GPR39: variants seen among roughly 807,000 people sequenced by gnomAD.
GPR39 encodes zinc sensing receptor.
A neutral mutation model predicts 18.4 loss-of-function variants in GPR39; 23 were observed. That is an observed-to-expected ratio of 1.25 (90% CI 0.90 to 1.77). The LOEUF (loss-of-function observed/expected upper bound fraction) is 1.77. GPR39 is among the 40% of genes most tolerant of loss of function. The pLI, the probability that GPR39 is intolerant of heterozygous loss-of-function variation, is 0.00. For missense variants in GPR39, 647 were observed against 602.4 expected, an observed-to-expected ratio of 1.07 and a Z score of -0.78; for synonymous variants, 280 against 257.9, an observed-to-expected ratio of 1.09 and a Z score of -0.82.
intron 1 of GPR39, among the ~76,000 whole-genome samples, chr2:132,484,014 T>C (rs1681284498): frequency 6.6e-6 from 1 of 152,182 alleles, no homozygotes; most frequent in African/African-American, 2.4e-5. Flanking sequence ...ACTCCACCCA[T>C]ACATTTAAAC....
intron 1 of GPR39, among the ~76,000 whole-genome samples, chr2:132,493,961 A>G (rs926911924): frequency 2.6e-5 from 4 of 152,146 alleles, no homozygotes; most frequent in Non-Finnish European, 4.4e-5. Context: ...CTTCCGATCA[A>G]CTAAAGACTG....
chr2:132,536,748 C>T (rs1679763828), intron 1 of GPR39, among the ~76,000 whole-genome samples: 1 of 152,158 alleles, frequency 6.6e-6, no homozygotes, highest in African/African-American at 2.4e-5. Context: ...AATCTGGGTG[C>T]TCCTGTATTT....
intron 1 of GPR39, among the ~76,000 whole-genome samples, chr2:132,624,083 G>C (rs191095322): frequency 1.5e-3 from 223 of 152,278 alleles, no homozygotes; most frequent in African/African-American, 5.0e-3. Context: ...ACGTGGGTTC[G>C]GTGGCATAAA....
At chr2:132,535,465 A>C (rs781650869) in intron 1 of GPR39, among the ~76,000 whole-genome samples, 4 of 152,182 alleles carry the variant, frequency 2.6e-5, no homozygotes, top group Non-Finnish European at 5.9e-5. Context: ...TTGTTTTGAC[A>C]GTATTTTATT....
At chr2:132,419,916 G>A (rs1005615404) in intron 1 of GPR39, among the ~76,000 whole-genome samples, 3 of 152,102 alleles carry the variant, frequency 2.0e-5, no homozygotes, top group Non-Finnish European at 2.9e-5. Context: ...TGTGTTTCCT[G>A]TATTTCTCTG....
intron 1 of GPR39, among the ~76,000 whole-genome samples, chr2:132,420,744 TGAG>T (rs1442708796): frequency 1.3e-5 from 2 of 152,212 alleles, no homozygotes; most frequent in East Asian, 3.8e-4. Flanking sequence ...CTACGCAAGA[TGAG>T]GAAGCCCATG....
rs1387540566 is a variant in GPR39, at chr2:132,567,263, G to A, written c.857-77838G>A. On this transcript the variant is annotated intron_variant, in intron 1 of 1. Coordinates refer to ENST00000329321, the MANE Select transcript of GPR39 (RefSeq NM_001508.3). ...CTTGAACCCGGGAGGTGGAGGTTGC[G>A]GTGAGCCGAGATTGCACCACTGCAC... Among the ~76,000 whole-genome samples, 8 of 152,224 alleles carry A rather than the reference G, an allele frequency of 5.3e-5. No homozygotes were observed. In the South Asian group the frequency reaches 8.3e-4, roughly 16 times the overall value.
intron 1 of GPR39, among the ~76,000 whole-genome samples, chr2:132,427,814 T>C (rs1484051931): frequency 2.7e-5 from 4 of 148,954 alleles, no homozygotes; most frequent in Non-Finnish European, 5.9e-5. Flanking sequence ...CCTTCTGCCT[T>C]AGCCTCTTGG....
intron 1 of GPR39, among the ~76,000 whole-genome samples, chr2:132,427,571 A>G (rs983092349): frequency 6.6e-6 from 1 of 150,878 alleles, no homozygotes; most frequent in Non-Finnish European, 1.5e-5. Flanking sequence ...GGAGACATAT[A>G]CTCAGCAGAA....
intron 1 of GPR39, among the ~76,000 whole-genome samples, chr2:132,560,701 C>G (rs1187648020): frequency 1.3e-5 from 2 of 152,178 alleles, no homozygotes; most frequent in Non-Finnish European, 2.9e-5. Context: ...TTTCCTGGTT[C>G]CTCTTCCTCC....
intron 1 of GPR39, among the ~76,000 whole-genome samples, chr2:132,553,217 A>G (rs1050815411): frequency 6.6e-6 from 1 of 151,478 alleles, no homozygotes; most frequent in Non-Finnish European, 1.5e-5. Context: ...CCAGCCACAT[A>G]TCTATGTATA....
chr2:132,545,744 A>G lies in GPR39; in HGVS notation c.857-99357A>G, dbSNP rs557686009. Among the ~76,000 whole-genome samples, 473 of 152,200 alleles carry G rather than the reference A, an allele frequency of 3.1e-3. 2 individuals carry two copies. The highest frequency in any genetic ancestry group is 5.6e-3 in the Non-Finnish European group (383 of 67,998). On this transcript the variant is annotated intron_variant, in intron 1 of 1. Coordinates refer to ENST00000329321, the MANE Select transcript of GPR39 (RefSeq NM_001508.3). Reference sequence around the variant, plus strand: ...TTCAATGCACCAAAGAATCAACTGGAGATCTTGCTAAAAGGCAGAATCAGA... The same window carrying G: ...TTCAATGCACCAAAGAATCAACTGGGGATCTTGCTAAAAGGCAGAATCAGA...
rs1246947669 is a variant in GPR39 at position 132,493,214 on chromosome 2, GTACACCATATATACACCATATATA to G, written c.856+75344_856+75367del. On this transcript the variant is annotated intron_variant, in intron 1 of 1. Transcript: ENST00000329321. ...TATACACCATATATACACCATATAT[GTACACCATATATACACCATATATA>G]TACACCATATATACACCATATATAT... Among the ~76,000 whole-genome samples the G allele has an allele frequency of 1.4e-4, 15 of 105,420 alleles. 1 individual carries two copies. Among genetic ancestry groups the G allele is most frequent in the East Asian group, 2.6e-4 (1 of 3,870 alleles). The allele number at this position is 105,420 out of a possible 152,430, so 69.2% of individuals were successfully genotyped here. A position where few individuals can be genotyped will look rare whatever the true frequency, so the allele number is the denominator to read the frequency against.
intron 1 of GPR39, among the ~76,000 whole-genome samples, chr2:132,522,973 C>T (rs2104768341): frequency 6.6e-6 from 1 of 152,096 alleles, no homozygotes; most frequent in South Asian, 2.1e-4. Context: ...CTACTGGAAG[C>T]CCTGGGGGAC....
intron 1 of GPR39, among the ~76,000 whole-genome samples, chr2:132,426,876 A>C (rs1680127714): frequency 6.6e-6 from 1 of 151,996 alleles, no homozygotes; most frequent in South Asian, 2.1e-4. Flanking sequence ...TCAGTGTCTA[A>C]CTGTCCATGA....
intron 1 of GPR39, among the ~76,000 whole-genome samples, chr2:132,547,885 A>G (rs570022017): frequency 1.2e-4 from 19 of 152,308 alleles, no homozygotes; most frequent in African/African-American, 4.3e-4. Flanking sequence ...TGTGGCCCAT[A>G]ATATATTTTC....
intron 1 of GPR39, among the ~76,000 whole-genome samples, chr2:132,529,343 C>T (rs1437367886): frequency 6.6e-6 from 1 of 152,224 alleles, no homozygotes; most frequent in African/African-American, 2.4e-5. Context: ...AGTAGGTAAA[C>T]AAAGTGGCCA....
chr2:132,555,247 C>G (rs186295754), intron 1 of GPR39, among the ~76,000 whole-genome samples: 32 of 140,968 alleles, frequency 2.3e-4, no homozygotes, highest in Admixed American at 6.5e-4. Context: ...TGGCCTCAAC[C>G]ACTTTTAACA....
rs1210975128 is a variant in GPR39, at chr2:132,645,354, C to G, written c.1110C>G (p.His370Gln). The change falls in exon 2 of 2, where the codon CAC becomes CAG. Residue 370 changes from histidine (H) to glutamine (Q), a missense_variant. By Grantham distance (24) the His-to-Gln change is conservative (BLOSUM62 0). Coordinates refer to ENST00000329321, the MANE Select transcript of GPR39 (RefSeq NM_001508.3). ...GCCTGTCGCTGCAGCACGCCAACCA[C>G]GAGAAGCGCCTGCGCGTACATGCGC... The part of the protein sequence containing the change: ...CCRLSLQHAN[H>Q]EKRLRVHAHS... The G allele has an allele frequency of 1.9e-6, 3 of 1,614,130 alleles. No homozygotes were observed. The Admixed American group carries it at 5.0e-5, about 27-fold the overall frequency.
Sources: gnomAD v4.1 joint callset for allele counts (sites outside exome capture counted in the v4.1 genomes callset) on GRCh38, gnomAD v4.1.1 for gene constraint, MANE v1.5 for transcripts, NCBI Gene and HGNC (gene_info 2026-07-23, HGNC 2026-07-21) for gene names.